ZNF730: variants seen among roughly 807,000 people sequenced by gnomAD.
ZNF730 encodes the protein putative zinc finger protein 730.
Under a neutral mutation model 12.6 loss-of-function variants are expected in ZNF730, and 12 were observed. That is an observed-to-expected ratio of 0.95 (90% CI 0.61 to 1.54). ZNF730 has a LOEUF of 1.54. ZNF730 is among the 40% of genes most tolerant of loss of function. ZNF730 has a pLI of 0.00. For missense variants in ZNF730, 643 were observed against 583.5 expected (o/e 1.10, Z -1.05); for synonymous variants, 194 against 195.8 (o/e 0.99, Z 0.08).
intron 1 of ZNF730, among the ~76,000 whole-genome samples, chr19:23,133,778 C>G (rs1970778077): frequency 6.6e-6 from 1 of 152,196 alleles, no homozygotes; most frequent in African/African-American, 2.4e-5. Context: ...TTACACAACT[C>G]TTTCTGTATG....
At chr19:23,136,920 C>T (rs537820362) in intron 3 of ZNF730, among the ~76,000 whole-genome samples, 38 of 152,256 alleles carry the variant, frequency 2.5e-4, no homozygotes, top group South Asian at 1.5e-3. Context: ...CCTGTAATCC[C>T]AGCACTTTGG....
chr19:23,146,081 G>T lies in ZNF730; in HGVS notation c.1037G>T (p.Gly346Val). 1.2e-6 allele frequency: 2 copies of T among 1,612,336 alleles called. No individual in the cohort carries two copies. The highest frequency in any genetic ancestry group is 1.7e-6 in the Non-Finnish European group (2 of 1,179,512). The change falls in exon 4 of 4, where the codon GGC becomes GTC. Residue 346 changes from glycine (G) to valine (V), a missense_variant. Transcript: ENST00000597761. ...GEKPYKCEEC[G>V]KAFNRSSTLN... is the part of the protein sequence containing the mutation. ...AAACCCTACAAATGTGAAGAATGTG[G>T]CAAAGCTTTTAACCGATCCTCAACC... is the stretch of plus-strand genomic sequence containing the variant.
chr19:23,118,088 G>A (rs1970555285), intron 1 of ZNF730, among the ~76,000 whole-genome samples: 1 of 151,906 alleles, frequency 6.6e-6, no homozygotes, highest in South Asian at 2.1e-4. Flanking sequence ...AGTTTCTTCT[G>A]ATTATCCCAA....
At chr19:23,087,134 G>A (rs1238116153) in intron 1 of ZNF730, among the ~76,000 whole-genome samples, 1 of 152,158 alleles carries the variant, frequency 6.6e-6, no homozygotes, top group Non-Finnish European at 1.5e-5. Flanking sequence ...TTGGCTGGGT[G>A]CAGTGGCTCA....
At chr19:23,143,130 G>A (rs533918600) in intron 3 of ZNF730, among the ~76,000 whole-genome samples, 1 of 152,238 alleles carries the variant, frequency 6.6e-6, no homozygotes, top group African/African-American at 2.4e-5. Context: ...TGTAGCCCCA[G>A]CTACTCAGGA....
chr19:23,091,339 G>A (rs1449951365), intron 1 of ZNF730, among the ~76,000 whole-genome samples: 1 of 152,144 alleles, frequency 6.6e-6, no homozygotes, highest in Non-Finnish European at 1.5e-5. Flanking sequence ...AGGGCAGTGT[G>A]GAAGGGAAAT....
chr19:23,117,407 G>T (rs1477287004), intron 1 of ZNF730, among the ~76,000 whole-genome samples: 2 of 152,148 alleles, frequency 1.3e-5, no homozygotes, highest in Non-Finnish European at 2.9e-5. Context: ...CTGCCCTGGA[G>T]CCCTCTCTGG....
At chr19:23,102,974 G>T (rs758952164) in intron 1 of ZNF730, among the ~76,000 whole-genome samples, 1 of 152,088 alleles carries the variant, frequency 6.6e-6, no homozygotes, top group African/African-American at 2.4e-5. Context: ...CCATTCCAGC[G>T]TTCAGAACAC....
At chr19:23,122,120 ATTT>A (rs1238797162) in intron 1 of ZNF730, among the ~76,000 whole-genome samples, 1 of 140,908 alleles carries the variant, frequency 7.1e-6, no homozygotes, top group Non-Finnish European at 1.5e-5. Context: ...GTAGACACAA[ATTT>A]GTTTAAAGCT....
At chr19:23,079,101 C>T (rs114858715) in intron 1 of ZNF730, among the ~76,000 whole-genome samples, 6,034 of 151,970 alleles carry the variant, frequency 0.04, 132 homozygotes, top group East Asian at 0.11. Context: ...CCACTGTACC[C>T]GGCCCTATCT....
At chr19:23,118,054 C>T (rs1970554888) in intron 1 of ZNF730, among the ~76,000 whole-genome samples, 1 of 152,098 alleles carries the variant, frequency 6.6e-6, no homozygotes, top group Non-Finnish European at 1.5e-5. Flanking sequence ...CTAACTCTGT[C>T]TTGCAGTAAA....
upstream of ZNF730, among the ~76,000 whole-genome samples, chr19:23,116,273 T>G (rs576843989): frequency 9.3e-5 from 14 of 149,736 alleles, no homozygotes; most frequent in African/African-American, 3.2e-4. Flanking sequence ...GGTCACCAGA[T>G]AGTGATCTAC....
intron 1 of ZNF730, among the ~76,000 whole-genome samples, chr19:23,107,494 T>C (rs1332137921): frequency 6.8e-6 from 1 of 147,500 alleles, no homozygotes; most frequent in Non-Finnish European, 1.5e-5. Flanking sequence ...GCTCTGTTTT[T>C]TGTTATTTTT....
At chr19:23,109,501 A>G (rs1333838664) in intron 1 of ZNF730, among the ~76,000 whole-genome samples, 2 of 151,114 alleles carry the variant, frequency 1.3e-5, no homozygotes, top group African/African-American at 4.9e-5. Flanking sequence ...CTCTGCCTCC[A>G]GGGTTCAAGT....
chr19:23,134,655 T>C (rs1970800724), intron 2 of ZNF730, among the ~76,000 whole-genome samples: 1 of 141,684 alleles, frequency 7.1e-6, no homozygotes, highest in Non-Finnish European at 1.6e-5. Flanking sequence ...TGAGGGGCGC[T>C]TCTGCCCGGC....
At chr19:23,116,520 C>T (rs1238661092), upstream of ZNF730, among the ~76,000 whole-genome samples, 1 of 151,276 alleles carries the variant, frequency 6.6e-6, no homozygotes, top group Non-Finnish European at 1.5e-5. Context: ...GATTCCCCTG[C>T]CTTAGCCTCC....
intron 1 of ZNF730, among the ~76,000 whole-genome samples, chr19:23,093,889 C>T (rs1282259841): frequency 6.6e-6 from 1 of 152,240 alleles, no homozygotes; most frequent in African/African-American, 2.4e-5. Flanking sequence ...GTAGGGTGGA[C>T]CCGCTGTGCC....
intron 1 of ZNF730, among the ~76,000 whole-genome samples, chr19:23,108,923 T>C (rs543755832): frequency 6.6e-6 from 1 of 152,220 alleles, no homozygotes; most frequent in South Asian, 2.1e-4. Flanking sequence ...CTAATTTTTG[T>C]ATTTTTAGTA....
At chr19:23,079,782 A>T (rs1375567805) in intron 1 of ZNF730, among the ~76,000 whole-genome samples, 1 of 152,160 alleles carries the variant, frequency 6.6e-6, no homozygotes, top group African/African-American at 2.4e-5. Flanking sequence ...ACCTCTCTCT[A>T]GCTCCTGAAG....
Sources: gnomAD v4.1 joint callset for allele counts (sites outside exome capture counted in the v4.1 genomes callset) on GRCh38, gnomAD v4.1.1 for gene constraint, MANE v1.5 for transcripts, NCBI Gene and HGNC (gene_info 2026-07-23, HGNC 2026-07-21) for gene names.